PDE10A: variants seen among roughly 807,000 people sequenced by gnomAD.
The protein encoded by PDE10A is cAMP and cAMP-inhibited cGMP 3',5'-cyclic phosphodiesterase 10A.
In PDE10A, 39 loss-of-function variants were observed where a neutral mutation model predicts 97.7. That is an observed-to-expected ratio of 0.40 (90% CI 0.31 to 0.52). The LOEUF is 0.52. PDE10A is among the 20% of genes least tolerant of loss of function. PDE10A has a pLI of 0.56. For missense variants in PDE10A, 731 were observed against 1,047.8 expected (o/e 0.70, Z 4.17); for synonymous variants, 371 against 376.8 (o/e 0.98, Z 0.18).
chr6:165,840,246 TC>T (rs1780224395), intron 1 of PDE10A, among the ~76,000 whole-genome samples: 1 of 145,906 alleles, frequency 6.9e-6, no homozygotes. Context: ...CATCCCCAGC[TC>T]CATCCTTATC....
chr6:165,735,729 G>A (rs1312067140), intron 1 of PDE10A, among the ~76,000 whole-genome samples: 1 of 152,056 alleles, frequency 6.6e-6, no homozygotes, highest in African/African-American at 2.4e-5. Context: ...GCACATGGAG[G>A]GCAATCTGCC....
chr6:165,581,795 G>A (rs1785631231), intron 1 of PDE10A, among the ~76,000 whole-genome samples: 1 of 152,172 alleles, frequency 6.6e-6, no homozygotes, highest in Non-Finnish European at 1.5e-5. Context: ...TGGCACAAAG[G>A]ATTTGAGTAG....
intron 1 of PDE10A, among the ~76,000 whole-genome samples, chr6:165,901,888 A>C (rs1048793628): frequency 8.6e-5 from 13 of 152,022 alleles, no homozygotes; most frequent in Non-Finnish European, 1.9e-4. Context: ...CCCGTCACAT[A>C]AAATTATCCA....
At chr6:165,885,314 G>A (rs1781598681) in intron 1 of PDE10A, among the ~76,000 whole-genome samples, 1 of 152,258 alleles carries the variant, frequency 6.6e-6, no homozygotes, top group Middle Eastern at 3.4e-3. Context: ...AGGGGAAGTG[G>A]GCACCTTCTT....
chr6:165,367,640 G>A (rs938673699), intron 18 of PDE10A, among the ~76,000 whole-genome samples: 6 of 136,796 alleles, frequency 4.4e-5, no homozygotes, highest in Non-Finnish European at 7.7e-5. Flanking sequence ...AACAACTGCT[G>A]ACTTTTCCCC....
At chr6:165,436,349 G>A (rs1293235327) in intron 5 of PDE10A, among the ~76,000 whole-genome samples, 1 of 152,122 alleles carries the variant, frequency 6.6e-6, no homozygotes. Flanking sequence ...TAACTTATCA[G>A]GTATGTGGTT....
intron 10 of PDE10A, among the ~76,000 whole-genome samples, chr6:165,422,154 G>C (rs1788738015): frequency 6.6e-6 from 1 of 152,104 alleles, no homozygotes; most frequent in African/African-American, 2.4e-5. Flanking sequence ...GTTTAACTTT[G>C]AAATGACCCT....
At chr6:165,893,944 GT>G (rs1198572088) in intron 1 of PDE10A, among the ~76,000 whole-genome samples, 1 of 151,490 alleles carries the variant, frequency 6.6e-6, no homozygotes, top group Non-Finnish European at 1.5e-5. Flanking sequence ...TCAGGTCAAA[GT>G]TGGCAATGAA....
intron 1 of PDE10A, among the ~76,000 whole-genome samples, chr6:165,976,337 G>A (rs757042506): frequency 4.9e-4 from 74 of 152,202 alleles, no homozygotes; most frequent in Non-Finnish European, 1.0e-3. Flanking sequence ...CACCATCTTT[G>A]TATACCTAAA....
At chr6:165,784,690 G>C (rs1373937376) in intron 1 of PDE10A, among the ~76,000 whole-genome samples, 1 of 152,176 alleles carries the variant, frequency 6.6e-6, no homozygotes, top group South Asian at 2.1e-4. Flanking sequence ...CAGAGGGTGG[G>C]AAAACTATGG....
intron 1 of PDE10A, among the ~76,000 whole-genome samples, chr6:165,630,845 G>A (rs886636849): frequency 6.6e-6 from 1 of 152,178 alleles, no homozygotes; most frequent in Non-Finnish European, 1.5e-5. Context: ...CTCTGAGTAG[G>A]AAACATAGAG....
intron 1 of PDE10A, among the ~76,000 whole-genome samples, chr6:165,747,416 C>T (rs2128454861): frequency 6.6e-6 from 1 of 152,272 alleles, no homozygotes; most frequent in Admixed American, 6.5e-5. Context: ...GCCTTGCTCA[C>T]ATTGACTCAA....
At chr6:165,642,050 G>T (rs150474143) in intron 1 of PDE10A, among the ~76,000 whole-genome samples, 107 of 152,230 alleles carry the variant, frequency 7.0e-4, no homozygotes, top group African/African-American at 2.5e-3. Flanking sequence ...CATTTCATCG[G>T]GGGTGTAACT....
chr6:165,551,526 C>T (rs140114366), intron 1 of PDE10A, among the ~76,000 whole-genome samples: 1 of 152,200 alleles, frequency 6.6e-6, no homozygotes, highest in East Asian at 1.9e-4. Flanking sequence ...TTATAATCCC[C>T]AAAATATATA....
chr6:165,662,736 C>T lies in PDE10A; in HGVS notation c.76G>A (p.Gly26Ser), dbSNP rs1351753121. The part of the protein sequence containing the change: ...LPAAGDEPGC[G>S]PGKLRPEPRL... ...GGTTCCGGGCGGAGTTTGCCGGGGCCGCAGCCCGGCTCGTCCCCGGCCGCT... is the reference window on the plus strand; with the variant it reads ...GGTTCCGGGCGGAGTTTGCCGGGGCTGCAGCCCGGCTCGTCCCCGGCCGCT... Residue 26 changes from glycine (G) to serine (S), a missense_variant, in exon 1 of 22, where the codon GGC (glycine) becomes AGC (serine). Coordinates refer to ENST00000539869, the MANE Select transcript of PDE10A (RefSeq NM_001385079.1). 9.5e-5 allele frequency among the ~76,000 whole-genome samples: 14 copies of T among 147,728 alleles called. No individual in the cohort carries two copies. The highest frequency in any genetic ancestry group is 3.2e-4 in the African/African-American group (13 of 40,608).
chr6:165,540,528 C>T (rs1435421508), intron 2 of PDE10A, among the ~76,000 whole-genome samples: 1 of 152,172 alleles, frequency 6.6e-6, no homozygotes, highest in African/African-American at 2.4e-5. Flanking sequence ...TGGTTCCACT[C>T]ATGGAAATGA....
At chr6:165,965,886 A>G (rs1235785908) in intron 1 of PDE10A, among the ~76,000 whole-genome samples, 1 of 152,228 alleles carries the variant, frequency 6.6e-6, no homozygotes, top group Non-Finnish European at 1.5e-5. Context: ...TGGATGTTAC[A>G]GAGGCTTCTG....
intron 7 of PDE10A, among the ~76,000 whole-genome samples, chr6:165,431,716 C>T (rs1322307659): frequency 4.6e-5 from 7 of 151,084 alleles, no homozygotes; most frequent in Non-Finnish European, 7.4e-5. Context: ...CATCACTGAG[C>T]TTTTGAACAT....
At chr6:165,368,296 C>T (rs1243013278) in intron 18 of PDE10A, among the ~76,000 whole-genome samples, 1 of 152,112 alleles carries the variant, frequency 6.6e-6, no homozygotes, top group Non-Finnish European at 1.5e-5. Context: ...ACACCCAGCC[C>T]ATATTTCTTA....
Sources: allele counts gnomAD v4.1 joint callset (sites outside exome capture counted in the v4.1 genomes callset), GRCh38; gene constraint gnomAD v4.1.1; transcripts MANE v1.5; gene names NCBI Gene and HGNC (gene_info 2026-07-23, HGNC 2026-07-21).